PDE4DIP: variants seen among roughly 807,000 people sequenced by gnomAD.
PDE4DIP encodes phosphodiesterase 4D interacting protein, also known as myomegalin.
A neutral mutation model predicts 221.4 loss-of-function variants in PDE4DIP; 59 were observed. That is an observed-to-expected ratio of 0.27 (90% CI 0.22 to 0.33). The LOEUF is 0.33. Ranked by LOEUF, PDE4DIP falls within the 10% of genes least tolerant of loss-of-function variation. The pLI, the probability that PDE4DIP is intolerant of heterozygous loss-of-function variation, is 1.00. For synonymous variants in PDE4DIP, 404 were observed against 815.9 expected, an observed-to-expected ratio of 0.50 and a Z score of 8.60; for missense variants, 1,036 against 2,154.2, an observed-to-expected ratio of 0.48 and a Z score of 10.28.
chr1:148,941,119 C>G (rs1220265979), intron 5 of PDE4DIP, among the ~76,000 whole-genome samples: 3 of 97,326 alleles, frequency 3.1e-5, no homozygotes, highest in African/African-American at 4.3e-5. Context: ...TCCTAGCCTT[C>G]CAAAGGTTTA....
intron 1 of PDE4DIP, among the ~76,000 whole-genome samples, chr1:148,859,431 A>C (rs1553398396): frequency 6.6e-6 from 1 of 151,494 alleles, no homozygotes; most frequent in African/African-American, 2.4e-5. Context: ...GGTACTTCCG[A>C]AAGCAAAATA....
chr1:148,970,698 A>G (rs1212123102), intron 14 of PDE4DIP, among the ~76,000 whole-genome samples: 1 of 152,170 alleles, frequency 6.6e-6, no homozygotes, highest in Non-Finnish European at 1.5e-5. Flanking sequence ...GAGCACTGCT[A>G]AAAACTCTTA....
At chr1:148,976,069 A>C (rs618097) in intron 17 of PDE4DIP, among the ~76,000 whole-genome samples, 1 of 147,142 alleles carries the variant, frequency 6.8e-6, no homozygotes, top group East Asian at 2.1e-4. Context: ...TACCTTAGCC[A>C]TTATCTGATT....
exon 42 of PDE4DIP, chr1:149,029,897 G>A (rs1160777099): frequency 7.0e-6 from 11 of 1,561,628 alleles, no homozygotes; most frequent in Non-Finnish European, 8.8e-6. Flanking sequence ...AGCAGAAGGA[G>A]AGCATGGAGC....
intron 1 of PDE4DIP, among the ~76,000 whole-genome samples, chr1:148,911,996 C>G (rs1573211318): frequency 6.8e-6 from 1 of 146,810 alleles, no homozygotes; most frequent in Non-Finnish European, 1.5e-5. Context: ...GTCGCAGGGC[C>G]TGCTCATACC....
chr1:148,929,406 T>C, intron 2 of PDE4DIP, 133 bp downstream of exon 5: 2 of 1,252,538 alleles, frequency 1.6e-6, no homozygotes, highest in South Asian at 1.5e-5. Context: ...ACTGAAACAA[T>C]AGATTTTCAT....
chr1:148,967,913 T>A lies in PDE4DIP; in HGVS notation c.1785+8T>A, dbSNP rs782329546. ...AGGAACAAAGAAGTGGAGGCAAGAC[T>A]TCAGTTAACTTTAAGGCAGTTGGTT... On this transcript the variant is annotated splice_region_variant and intron_variant, in intron 13 of 43. Coordinates refer to ENST00000369354, the Ensembl canonical transcript of PDE4DIP. 3.6e-5 allele frequency: 27 copies of A among 760,224 alleles called. No individual in the cohort carries two copies. Among genetic ancestry groups the A allele is most frequent in the Non-Finnish European group, 5.5e-5 (24 of 437,872 alleles). The allele number at this position is 760,224 out of a possible 1,614,324, so 47.1% of individuals were successfully genotyped here.
intron 1 of PDE4DIP, among the ~76,000 whole-genome samples, chr1:148,892,144 G>T (rs1411072793): frequency 1.7e-5 from 2 of 119,816 alleles, no homozygotes; most frequent in Non-Finnish European, 1.7e-5. Context: ...ACAGACCCCT[G>T]CTACCACACC....
intron 31 of PDE4DIP, among the ~76,000 whole-genome samples, chr1:149,011,139 G>A (rs868926086): frequency 6.6e-6 from 1 of 151,378 alleles, no homozygotes; most frequent in African/African-American, 2.4e-5. Flanking sequence ...CAGTTAAAGG[G>A]GTGCATTTCA....
chr1:148,996,929 G>A (rs1219069883), intron 22 of PDE4DIP, among the ~76,000 whole-genome samples: 3 of 152,240 alleles, frequency 2.0e-5, no homozygotes, highest in Non-Finnish European at 2.9e-5. Context: ...ATTGGGGAAT[G>A]ATTCAGTATA....
At chr1:149,013,244 A>G (rs1404093253) in intron 32 of PDE4DIP, among the ~76,000 whole-genome samples, 4 of 151,140 alleles carry the variant, frequency 2.6e-5, no homozygotes, top group Non-Finnish European at 5.9e-5. Flanking sequence ...GGTTGGAGCA[A>G]AAAGGGTAAT....
At chr1:148,989,777 G>A (rs4649701) in intron 21 of PDE4DIP, among the ~76,000 whole-genome samples, 8,468 of 152,238 alleles carry the variant, frequency 0.056, 713 homozygotes, top group East Asian at 0.46. Flanking sequence ...GATTGTGATC[G>A]CTACTGTTGT....
intron 1 of PDE4DIP, among the ~76,000 whole-genome samples, chr1:148,920,107 T>TA (rs2045194824): frequency 1.4e-5 from 2 of 146,012 alleles, no homozygotes; most frequent in South Asian, 2.1e-4. Context: ...CAAGATTTTT[T>TA]AAAAACTATT....
At chr1:149,021,279 C>G (rs749304314) in intron 37 of PDE4DIP, 126 bp downstream of exon 40, 1 of 727,804 alleles carries the variant, frequency 1.4e-6, no homozygotes, top group Non-Finnish European at 2.3e-6. Context: ...AACCCCCACC[C>G]GAGCCTGGGG....
intron 5 of PDE4DIP, among the ~76,000 whole-genome samples, chr1:148,948,272 A>C (rs1242246145): frequency 6.6e-6 from 1 of 152,144 alleles, no homozygotes; most frequent in Non-Finnish European, 1.5e-5. Flanking sequence ...AGAAGTAATA[A>C]TTTTATACTA....
chr1:148,933,623 A>C (rs1212770949), intron 4 of PDE4DIP, among the ~76,000 whole-genome samples: 2 of 152,218 alleles, frequency 1.3e-5, no homozygotes, highest in East Asian at 3.8e-4. Flanking sequence ...TGGTATAAAA[A>C]GCTTTAAGGA....
At chr1:149,006,133 GGAA>G (rs2066961043) in intron 27 of PDE4DIP, among the ~76,000 whole-genome samples, 1 of 136,308 alleles carries the variant, frequency 7.3e-6, no homozygotes. Context: ...AGTCTGTCTC[GGAA>G]AAAAAAAAAA....
exon 12 of PDE4DIP, chr1:148,966,920 G>C (rs148545675): frequency 6.5e-5 from 105 of 1,613,354 alleles, no homozygotes; most frequent in Middle Eastern, 1.6e-4. Flanking sequence ...GAGAGAGCGA[G>C]ATCATGACTT....
Position 148,931,736 on chromosome 1 carries a change from C to A in PDE4DIP, c.219-64C>A. 3 of 1,198,794 alleles carry A rather than the reference C, an allele frequency of 2.5e-6. No individual in the cohort carries two copies. In the South Asian group the frequency reaches 3.7e-5, roughly 15 times the overall value. 74.3% of individuals were successfully genotyped at this position (1,198,794 alleles called of 1,614,324 possible). A position where few individuals can be genotyped will look rare whatever the true frequency, so the allele number is the denominator to read the frequency against. On this transcript the variant is annotated intron_variant, in intron 2 of 43. Coordinates refer to ENST00000369354, the Ensembl canonical transcript of PDE4DIP. ...GTTTGGAGATTTATCAAAGAACAAC[C>A]TTAATGGTTCCACTTGCTAAACTGT...
Sources: gnomAD v4.1 joint callset for allele counts (sites outside exome capture counted in the v4.1 genomes callset) on GRCh38, gnomAD v4.1.1 for gene constraint, MANE v1.5 for transcripts, NCBI Gene and HGNC (gene_info 2026-07-23, HGNC 2026-07-21) for gene names.